The following OGDH variants were observed in gnomAD, a reference collection of about 807,000 sequenced individuals.
OGDH encodes the protein 2-oxoglutarate dehydrogenase complex component E1.
OGDH carries 38 observed loss-of-function variants against 116.6 expected under a neutral mutation model. The observed-to-expected ratio is 0.33, with a 90% confidence interval of 0.25 to 0.43. The LOEUF (loss-of-function observed/expected upper bound fraction) is 0.43, where lower values mean the gene tolerates loss of function less well. Ranked by LOEUF, OGDH falls within the 20% of genes least tolerant of loss-of-function variation. The pLI is 1.00. For synonymous variants in OGDH, 488 were observed against 533.3 expected, an observed-to-expected ratio of 0.92 and a Z score of 1.17; for missense variants, 825 against 1,357.2, an observed-to-expected ratio of 0.61 and a Z score of 6.16.
At chr7:44,686,689 CT>C (rs35917984) in intron 10 of OGDH, among the ~76,000 whole-genome samples, 346 of 133,204 alleles carry the variant, frequency 2.6e-3, no homozygotes, top group African/African-American at 5.1e-3. Flanking sequence ...TTCTTTTTTT[CT>C]TTTTTTTTTT....
chr7:44,637,975 C>T (rs1014435013), intron 2 of OGDH, among the ~76,000 whole-genome samples: 10 of 152,250 alleles, frequency 6.6e-5, no homozygotes, highest in African/African-American at 1.7e-4. Context: ...AGTGCTTTCC[C>T]GCACCCCTCC....
chr7:44,700,370 G>A lies in OGDH; in HGVS notation c.2559+101G>A, dbSNP rs943558950. On this transcript the variant is annotated intron_variant, in intron 19 of 22. Coordinates refer to ENST00000222673, the MANE Select transcript of OGDH (RefSeq NM_002541.4). ...GCCTCTTGCTTGGGGTTAGCTAGGT[G>A]GGCACCTGCAGGGGTAGTGTGGACA... 7.7e-5 allele frequency: 113 copies of A among 1,471,668 alleles called. 1 individual carries two copies. Among genetic ancestry groups the A allele is most frequent in the Non-Finnish European group, 5.5e-6 (6 of 1,085,990 alleles). The allele number at this position is 1,471,668 out of a possible 1,614,324, so 91.2% of individuals were successfully genotyped here.
chr7:44,695,462 T>C lies in OGDH; in HGVS notation c.1669-563T>C, dbSNP rs190364251. Among the ~76,000 whole-genome samples the C allele has an allele frequency of 4.6e-5, 7 of 151,944 alleles. No homozygotes were observed. The East Asian group carries it at 1.4e-3, about 30-fold the overall frequency. On this transcript the variant is annotated intron_variant, in intron 12 of 22. Coordinates refer to ENST00000222673, the MANE Select transcript of OGDH (RefSeq NM_002541.4). ...TGGCTCATGCCTGTAATTGCAGCACTTTGGGAGACTGAGGCAGGTGGATCA... is the reference window on the plus strand; with the variant it reads ...TGGCTCATGCCTGTAATTGCAGCACCTTGGGAGACTGAGGCAGGTGGATCA...
chr7:44,681,672 T>G, intron 9 of OGDH, 48 bp from the exon 10 acceptor site: 1 of 1,585,670 alleles, frequency 6.3e-7, no homozygotes, highest in Non-Finnish European at 8.6e-7. Flanking sequence ...CCTTGTGGAC[T>G]TGGCAATCAG....
intron 19 of OGDH, among the ~76,000 whole-genome samples, chr7:44,700,953 GGCGGAGCTGGCA>G (rs1788802361): frequency 6.6e-6 from 1 of 152,226 alleles, no homozygotes; most frequent in South Asian, 2.1e-4. Flanking sequence ...GAACCCGGGA[GGCGGAGCTGGCA>G]GTGAGCCGAG....
chr7:44,609,231 C>T (rs1157693724), intron 1 of OGDH, among the ~76,000 whole-genome samples: 4 of 151,152 alleles, frequency 2.6e-5, no homozygotes, highest in African/African-American at 4.9e-5. Flanking sequence ...CTTGGCCAGG[C>T]GCAGTGGCTT....
At chr7:44,695,500 A>G (rs1279325501) in intron 12 of OGDH, among the ~76,000 whole-genome samples, 1 of 152,002 alleles carries the variant, frequency 6.6e-6, no homozygotes, top group African/African-American at 2.4e-5. Flanking sequence ...AGGTCAAGAG[A>G]TCGAGACCAT....
chr7:44,680,316 A>G (rs973109130), intron 9 of OGDH, among the ~76,000 whole-genome samples: 11 of 152,138 alleles, frequency 7.2e-5, no homozygotes, highest in African/African-American at 2.7e-4. Context: ...TGACTAATAC[A>G]AGGGTTTTAA....
In OGDH at chr7:44,707,671, C is replaced by T. The variant is rs1156897253; in HGVS notation, c.2886C>T (p.Asn962=). ...ELAWCQEEHK[N]QGYYDYVKPR... ...CCTGGTGCCAGGAGGAGCACAAGAA[C>T]CAAGGCTACTATGACTACGTGAAGC... The change falls in exon 22 of 23, where the codon AAC becomes AAT. Residue 962 remains asparagine (N), a synonymous_variant. Coordinates refer to ENST00000222673, the MANE Select transcript of OGDH (RefSeq NM_002541.4). The surrounding 1 kb of genome is among the most constrained non-coding windows in gnomAD (Gnocchi z 5.2). 14 of 1,614,096 alleles carry T rather than the reference C, an allele frequency of 8.7e-6. No individual in the cohort carries two copies. Among genetic ancestry groups the T allele is most frequent in the Non-Finnish European group, 1.2e-5 (14 of 1,180,038 alleles).
chr7:44,706,826 G>A (rs1015940251), intron 20 of OGDH, among the ~76,000 whole-genome samples: 28 of 151,554 alleles, frequency 1.8e-4, no homozygotes, highest in Non-Finnish European at 2.9e-5. Flanking sequence ...GTTTCACCAT[G>A]TTGCCCAGGC....
Position 44,624,360 on chromosome 7 carries a change from C to T in OGDH, c.17C>T (p.Thr6Ile), listed in dbSNP as rs1312315770. 4 of 1,497,096 alleles carry T rather than the reference C, an allele frequency of 2.7e-6. No individual in the cohort carries two copies. The highest frequency in any genetic ancestry group is 1.9e-4 in the Middle Eastern group (1 of 5,266). The allele number at this position is 1,497,096 out of a possible 1,614,324, so 92.7% of individuals were successfully genotyped here. The part of the protein sequence containing the change: MFHLR[T>I]CAAKLRPLTA... ...AGGACAAAAATGTTTCATTTAAGGA[C>T]TTGTGCTGCTAAGTTGAGGCCATTG... The change falls in exon 2 of 23, where the codon ACT becomes ATT. Residue 6 changes from threonine (T) to isoleucine (I), a missense_variant. Transcript: ENST00000222673.
At chr7:44,611,667 TC>T (rs1226051231) in intron 1 of OGDH, among the ~76,000 whole-genome samples, 4 of 152,150 alleles carry the variant, frequency 2.6e-5, no homozygotes, top group Non-Finnish European at 5.9e-5. Flanking sequence ...CACCTTGGCT[TC>T]CTGAAGTGCC....
intron 20 of OGDH, among the ~76,000 whole-genome samples, chr7:44,706,609 A>G (rs536423800): frequency 2.1e-5 from 3 of 142,832 alleles, no homozygotes; most frequent in Non-Finnish European, 1.5e-5. Flanking sequence ...GGCGTGAGCC[A>G]TGCGCCCGGC....
In OGDH at chr7:44,626,425, T is replaced by C. The variant is rs529068394; in HGVS notation, c.222+1860T>C. Among the ~76,000 whole-genome samples, 8 of 152,248 alleles carry C rather than the reference T, an allele frequency of 5.3e-5. No homozygotes were observed. The East Asian group carries it at 1.3e-3, about 26-fold the overall frequency. Reference sequence around the variant, plus strand: ...CTGAGGTTTCAGAATCAAGGACTATTATGTGCCCAGGCCTATTCTTTTGCC... The same window carrying C: ...CTGAGGTTTCAGAATCAAGGACTATCATGTGCCCAGGCCTATTCTTTTGCC... On this transcript the variant is annotated intron_variant, in intron 2 of 22. Coordinates refer to ENST00000222673, the MANE Select transcript of OGDH (RefSeq NM_002541.4).
chr7:44,656,911 G>A (rs1034742558), intron 4 of OGDH, among the ~76,000 whole-genome samples: 7 of 152,304 alleles, frequency 4.6e-5, no homozygotes, highest in Admixed American at 2.6e-4. Context: ...ATCCAGAGTC[G>A]AAATGCTGGG....
Position 44,693,954 on chromosome 7 carries a change from G to A in OGDH, c.1465G>A (p.Val489Met), listed in dbSNP as rs1433838017. The part of the protein sequence containing the change: ...DPEAVMYVCK[V>M]AAEWRSTFHK... ...CGAGGCTGTCATGTACGTGTGCAAA[G>A]TGGCGGCCGAGTGGAGGAGCACCTT... The change falls in exon 11 of 23, where the codon GTG becomes ATG. Residue 489 changes from valine to methionine, a missense_variant. Val to Met is a conservative substitution (Grantham distance 21, BLOSUM62 1). Transcript: ENST00000222673. The A allele has an allele frequency of 6.2e-7, 1 of 1,613,976 alleles. No individual in the cohort carries two copies. The highest frequency in any genetic ancestry group is 8.5e-7 in the Non-Finnish European group (1 of 1,179,962).
In OGDH at chr7:44,700,238, G is replaced by T; in HGVS notation, c.2528G>T (p.Arg843Leu). 6.2e-7 allele frequency: 1 copy of T among 1,614,198 alleles called. No individual in the cohort carries two copies. Among genetic ancestry groups the T allele is most frequent in the South Asian group, 1.1e-5 (1 of 91,084 alleles). The change falls in exon 19 of 23, where the codon CGA (arginine) becomes CTA (leucine). Residue 843 changes from arginine to leucine, a missense_variant. Coordinates refer to ENST00000222673, the MANE Select transcript of OGDH (RefSeq NM_002541.4). ...CCTGGCAACTTCTTCCACGTGCTACGACGCCAGATCCTGCTGCCATTCCGG... is the reference window on the plus strand; with the variant it reads ...CCTGGCAACTTCTTCCACGTGCTACTACGCCAGATCCTGCTGCCATTCCGG... ...STPGNFFHVL[R>L]RQILLPFRKP...
chr7:44,616,797 GTATA>G (rs1233680845), intron 1 of OGDH, among the ~76,000 whole-genome samples: 21 of 90,610 alleles, frequency 2.3e-4, no homozygotes, highest in Non-Finnish European at 3.4e-4. Context: ...ATATATATGT[GTATA>G]TATATGCATA....
chr7:44,673,069 G>C (rs1208178880), intron 5 of OGDH, among the ~76,000 whole-genome samples: 1 of 152,088 alleles, frequency 6.6e-6, no homozygotes, highest in Non-Finnish European at 1.5e-5. Flanking sequence ...GTGTGAACGT[G>C]GTACAGGACA....
Sources: allele counts gnomAD v4.1 joint callset (sites outside exome capture counted in the v4.1 genomes callset), GRCh38; gene constraint gnomAD v4.1.1; non-coding constraint Gnocchi (gnomAD v3.1); transcripts MANE v1.5; gene names NCBI Gene and HGNC (gene_info 2026-07-23, HGNC 2026-07-21).